ELMO1: variants seen among roughly 807,000 people sequenced by gnomAD.
ELMO1 encodes the protein engulfment and cell motility protein 1.
ELMO1 carries 26 observed loss-of-function variants against 98.9 expected under a neutral mutation model. That is an observed-to-expected ratio of 0.26 (90% CI 0.19 to 0.36). The LOEUF (loss-of-function observed/expected upper bound fraction) is 0.36, where lower values mean the gene tolerates loss of function less well. Ranked by LOEUF, ELMO1 falls within the 10% of genes least tolerant of loss-of-function variation. The probability of loss-of-function intolerance (pLI) is 1.00; values close to 1 mark genes in which losing one functional copy is unlikely to be tolerated. For missense variants in ELMO1, 627 were observed against 935.2 expected, an observed-to-expected ratio of 0.67 and a Z score of 4.30; for synonymous variants, 346 against 346.0, an observed-to-expected ratio of 1.00 and a Z score of 0.00.
intron 16 of ELMO1, among the ~76,000 whole-genome samples, chr7:36,934,579 A>G (rs1001639145): frequency 6.6e-5 from 10 of 152,242 alleles, no homozygotes; most frequent in Admixed American, 5.2e-4. Flanking sequence ...GATGCAAATA[A>G]TTGAAATGGA....
intron 15 of ELMO1, among the ~76,000 whole-genome samples, chr7:37,047,915 T>C (rs1324557168): frequency 6.6e-6 from 1 of 152,078 alleles, no homozygotes; most frequent in East Asian, 1.9e-4. Flanking sequence ...ATTTTAAAAT[T>C]AAAAAAACCC....
intron 16 of ELMO1, among the ~76,000 whole-genome samples, chr7:36,938,867 A>G (rs566341770): frequency 6.6e-6 from 1 of 152,274 alleles, no homozygotes; most frequent in African/African-American, 2.4e-5. Flanking sequence ...CAATTGATTT[A>G]AACATCAAAG....
intron 16 of ELMO1, among the ~76,000 whole-genome samples, chr7:36,897,602 T>C (rs1806146129): frequency 6.6e-6 from 1 of 152,160 alleles, no homozygotes; most frequent in South Asian, 2.1e-4. Flanking sequence ...AATAGCAAAG[T>C]TAATTCAACA....
intron 2 of ELMO1, among the ~76,000 whole-genome samples, chr7:37,322,463 A>G (rs1799569748): frequency 6.6e-6 from 1 of 152,156 alleles, no homozygotes; most frequent in South Asian, 2.1e-4. Context: ...TAAAAATACA[A>G]AAAATTAGCC....
chr7:36,955,464 AATT>A (rs1182891055), intron 16 of ELMO1, among the ~76,000 whole-genome samples: 1 of 152,250 alleles, frequency 6.6e-6, no homozygotes, highest in African/African-American at 2.4e-5. Flanking sequence ...CCACCAGATA[AATT>A]ATTTAGACTT....
chr7:36,992,584 T>C (rs1420210615), intron 16 of ELMO1, among the ~76,000 whole-genome samples: 2 of 152,214 alleles, frequency 1.3e-5, no homozygotes, highest in Non-Finnish European at 2.9e-5. Flanking sequence ...AAAAAGCGAC[T>C]GGGCCAATGG....
At chr7:36,975,869 A>C (rs1221133089) in intron 16 of ELMO1, among the ~76,000 whole-genome samples, 1 of 151,424 alleles carries the variant, frequency 6.6e-6, no homozygotes, top group African/African-American at 2.4e-5. Context: ...AAAAAGATAA[A>C]ATTGTATGTC....
At chr7:37,133,257 A>G (rs189426513) in intron 13 of ELMO1, 23 bp from the exon 14 acceptor site, 147 of 1,577,184 alleles carry the variant, frequency 9.3e-5, no homozygotes, top group Non-Finnish European at 8.2e-5. Flanking sequence ...CAAAATCATG[A>G]TAAGGTGAAT....
At chr7:37,335,751 G>C (rs1458963381) in intron 2 of ELMO1, among the ~76,000 whole-genome samples, 1 of 152,130 alleles carries the variant, frequency 6.6e-6, no homozygotes, top group African/African-American at 2.4e-5. Context: ...TCTTCCCATT[G>C]CCCTTTTTGG....
intron 13 of ELMO1, among the ~76,000 whole-genome samples, chr7:37,194,021 A>C (rs1791816142): frequency 6.6e-6 from 1 of 152,164 alleles, no homozygotes; most frequent in South Asian, 2.1e-4. Context: ...GCTCTCCTGG[A>C]GAAATTCTCC....
At chr7:37,036,821 T>C (rs1795198739) in intron 15 of ELMO1, among the ~76,000 whole-genome samples, 1 of 152,204 alleles carries the variant, frequency 6.6e-6, no homozygotes, top group African/African-American at 2.4e-5. Context: ...GAAAGCTATG[T>C]TAAGGATCCA....
At chr7:37,270,212 C>A (rs922778923) in intron 5 of ELMO1, 15 of 152,132 alleles carry the variant, frequency 9.9e-5, no homozygotes, top group African/African-American at 2.4e-5. Context: ...GACGAAAACG[C>A]CTCAGCTCAT....
At chr7:36,978,876 T>C (rs1191583235) in intron 16 of ELMO1, among the ~76,000 whole-genome samples, 1 of 152,232 alleles carries the variant, frequency 6.6e-6, no homozygotes, top group East Asian at 1.9e-4. Flanking sequence ...ATTTGAAGCA[T>C]AATAGTAAGC....
At chr7:37,020,984 A>G (rs981265762) in intron 15 of ELMO1, among the ~76,000 whole-genome samples, 20 of 152,218 alleles carry the variant, frequency 1.3e-4, no homozygotes, top group Non-Finnish European at 1.2e-4. Context: ...TCTGGATAAT[A>G]TATTTATGAA....
chr7:37,223,801 T>C (rs1793723683), intron 9 of ELMO1, among the ~76,000 whole-genome samples: 1 of 152,214 alleles, frequency 6.6e-6, no homozygotes, highest in Admixed American at 6.5e-5. Flanking sequence ...ATTTTAAATG[T>C]TGGTAATCCT....
intron 1 of ELMO1, among the ~76,000 whole-genome samples, chr7:37,386,210 G>A (rs984416667): frequency 1.3e-5 from 2 of 152,114 alleles, no homozygotes; most frequent in Non-Finnish European, 2.9e-5. Context: ...CCAGAAAGTC[G>A]CCTTGGATTT....
intron 8 of ELMO1, among the ~76,000 whole-genome samples, chr7:37,228,645 T>C (rs1002529777): frequency 1.3e-5 from 2 of 152,184 alleles, no homozygotes; most frequent in Non-Finnish European, 2.9e-5. Context: ...AACGATCCAA[T>C]AAATACTTCT....
chr7:37,184,885 G>T (rs112705357), intron 13 of ELMO1, among the ~76,000 whole-genome samples: 22 of 151,894 alleles, frequency 1.4e-4, no homozygotes, highest in Admixed American at 4.6e-4. Context: ...GACAAAAAGT[G>T]AGACCCCGTC....
At chr7:37,367,929 T>C (rs975494798) in intron 1 of ELMO1, among the ~76,000 whole-genome samples, 1 of 152,222 alleles carries the variant, frequency 6.6e-6, no homozygotes, top group African/African-American at 2.4e-5. Flanking sequence ...GGATAATAAA[T>C]GTAACTCCTT....
Sources: allele counts gnomAD v4.1 joint callset (sites outside exome capture counted in the v4.1 genomes callset), GRCh38; gene constraint gnomAD v4.1.1; transcripts MANE v1.5; gene names NCBI Gene and HGNC (gene_info 2026-07-23, HGNC 2026-07-21).